LINGO2: variants seen among roughly 807,000 people sequenced by gnomAD.
The protein encoded by LINGO2 is leucine-rich repeat and immunoglobulin-like domain-containing nogo receptor-interacting protein 2.
In LINGO2, 14 loss-of-function variants were observed where a neutral mutation model predicts 30.6. That is an observed-to-expected ratio of 0.46 (90% CI 0.30 to 0.72). LINGO2 has a LOEUF of 0.72. Ranked by LOEUF, LINGO2 falls within the 30% of genes least tolerant of loss-of-function variation. The pLI is 0.07. For missense variants in LINGO2, 729 were observed against 751.7 expected, an observed-to-expected ratio of 0.97 and a Z score of 0.35; for synonymous variants, 317 against 288.5, an observed-to-expected ratio of 1.10 and a Z score of -1.00.
chr9:28,814,662 C>T, the LINGO2 span, among the ~76,000 whole-genome samples: 12 of 152,100 alleles, frequency 7.9e-5, no homozygotes, highest in South Asian at 2.1e-4. Context: ...CCGAGGCAGA[C>T]GGATCACGAG....
the LINGO2 span, among the ~76,000 whole-genome samples, chr9:29,023,250 T>C: frequency 1.3e-5 from 2 of 152,134 alleles, no homozygotes; most frequent in African/African-American, 4.8e-5. Flanking sequence ...TGTCCTTCAT[T>C]TTCCAAAATG....
intron 2 of LINGO2, among the ~76,000 whole-genome samples, chr9:28,380,867 T>C (rs929347146): frequency 6.6e-6 from 1 of 152,056 alleles, no homozygotes; most frequent in Non-Finnish European, 1.5e-5. Flanking sequence ...AATGTGTATT[T>C]CACATGAATG....
At chr9:28,001,225 T>C (rs1821934244) in intron 5 of LINGO2, among the ~76,000 whole-genome samples, 1 of 152,216 alleles carries the variant, frequency 6.6e-6, no homozygotes, top group African/African-American at 2.4e-5. Flanking sequence ...TGAGCTGTTC[T>C]GATTGAAGCA....
intron 4 of LINGO2, among the ~76,000 whole-genome samples, chr9:28,269,501 G>A (rs1822868343): frequency 6.6e-6 from 1 of 151,898 alleles, no homozygotes; most frequent in Non-Finnish European, 1.5e-5. Context: ...CTACTTTTGA[G>A]GACACTTTCT....
chr9:29,070,454 G>A, the LINGO2 span, among the ~76,000 whole-genome samples: 1 of 152,072 alleles, frequency 6.6e-6, no homozygotes, highest in African/African-American at 2.4e-5. Flanking sequence ...GGATGGCAAT[G>A]GTAATGAGAA....
At chr9:28,793,108 TCTTTA>T in the LINGO2 span, among the ~76,000 whole-genome samples, 8 of 152,198 alleles carry the variant, frequency 5.3e-5, no homozygotes, top group South Asian at 4.1e-4. Flanking sequence ...AAATCCAATA[TCTTTA>T]CTTTAATATT....
chr9:28,318,631 C>T (rs1824928400), intron 3 of LINGO2, among the ~76,000 whole-genome samples: 1 of 152,096 alleles, frequency 6.6e-6, no homozygotes, highest in South Asian at 2.1e-4. Flanking sequence ...CTCCAAAGGA[C>T]AGAGAGATCA....
At chr9:28,177,434 T>C (rs908038624) in intron 4 of LINGO2, among the ~76,000 whole-genome samples, 7 of 152,184 alleles carry the variant, frequency 4.6e-5, no homozygotes, top group African/African-American at 1.7e-4. Context: ...ACAAATGTGT[T>C]AGGAACTTCT....
At chr9:28,152,053 G>A (rs1307750449) in intron 4 of LINGO2, among the ~76,000 whole-genome samples, 1 of 152,154 alleles carries the variant, frequency 6.6e-6, no homozygotes, top group Non-Finnish European at 1.5e-5. Flanking sequence ...GATTAATAAA[G>A]TATAGAACTG....
the LINGO2 span, among the ~76,000 whole-genome samples, chr9:28,764,493 A>G: frequency 6.6e-6 from 1 of 151,908 alleles, no homozygotes; most frequent in Non-Finnish European, 1.5e-5. Context: ...TAGGAATAAA[A>G]TAAAATTACC....
chr9:28,735,806 A>AT, the LINGO2 span, among the ~76,000 whole-genome samples: 89 of 152,302 alleles, frequency 5.8e-4, no homozygotes, highest in African/African-American at 1.9e-3. Flanking sequence ...GCTTCTAGAG[A>AT]TTATTAAGCC....
chr9:27,940,320 C>G, the LINGO2 span: 3 of 152,100 alleles, frequency 2.0e-5, no homozygotes, highest in East Asian at 5.8e-4. Context: ...ATCTCCTTCC[C>G]AATCCTTTAT....
At chr9:28,019,748 G>GTA (rs777943887) in intron 4 of LINGO2, among the ~76,000 whole-genome samples, 14 of 152,058 alleles carry the variant, frequency 9.2e-5, no homozygotes, top group Admixed American at 4.6e-4. Context: ...TAAAAATAAT[G>GTA]TATATATATG....
chr9:28,103,732 G>A (rs544922408), intron 4 of LINGO2, among the ~76,000 whole-genome samples: 2 of 152,272 alleles, frequency 1.3e-5, no homozygotes, highest in East Asian at 3.9e-4. Context: ...GGGGTGACTT[G>A]ACATATTGTG....
intron 1 of LINGO2, among the ~76,000 whole-genome samples, chr9:28,491,854 T>G (rs1826408653): frequency 6.6e-6 from 1 of 152,180 alleles, no homozygotes; most frequent in South Asian, 2.1e-4. Context: ...TACTATAATC[T>G]TATGAGTAAA....
rs139888873 is a variant in LINGO2 at position 28,464,469 on chromosome 9, G to T, written c.-279+11471C>A. ...GCTGTACATGGCTGTCATCCTCAAT[G>T]ATTTTTGTTTCTGAAGAATATGTTA... On this transcript the variant is annotated intron_variant, in intron 2 of 5. Coordinates refer to ENST00000379992, the Ensembl canonical transcript of LINGO2. 3.9e-5 allele frequency among the ~76,000 whole-genome samples: 6 copies of T among 152,216 alleles called. 1 individual carries two copies. Among genetic ancestry groups the T allele is most frequent in the African/African-American group, 1.4e-4 (6 of 41,532 alleles).
chr9:28,207,636 T>C (rs1438558677), intron 4 of LINGO2, among the ~76,000 whole-genome samples: 1 of 152,088 alleles, frequency 6.6e-6, no homozygotes, highest in Admixed American at 6.6e-5. Flanking sequence ...ATCCTCACCC[T>C]GATACATAAC....
the LINGO2 span, among the ~76,000 whole-genome samples, chr9:29,184,445 TA>T: frequency 4.6e-5 from 7 of 152,068 alleles, no homozygotes; most frequent in African/African-American, 1.7e-4. Flanking sequence ...TCATGTTCTA[TA>T]GGGGGGAAGA....
chr9:29,156,827 T>C, the LINGO2 span, among the ~76,000 whole-genome samples: 1 of 152,026 alleles, frequency 6.6e-6, no homozygotes, highest in Non-Finnish European at 1.5e-5. Context: ...ATAAACCAAA[T>C]ATATTCACTC....
Sources: allele counts gnomAD v4.1 joint callset (sites outside exome capture counted in the v4.1 genomes callset), GRCh38; gene constraint gnomAD v4.1.1; transcripts MANE v1.5; gene names NCBI Gene and HGNC (gene_info 2026-07-23, HGNC 2026-07-21).